FAM13C: variants seen among roughly 807,000 people sequenced by gnomAD.
FAM13C encodes protein FAM13C.
A neutral mutation model predicts 73.2 loss-of-function variants in FAM13C; 37 were observed. The ratio of observed to expected loss-of-function variants is 0.51; its 90% CI spans 0.39 to 0.67. FAM13C has a LOEUF of 0.67. Among genes scored for constraint, FAM13C ranks in the 30% least tolerant of loss-of-function variants. The pLI is 0.00. For synonymous variants in FAM13C, 246 were observed against 260.9 expected, an observed-to-expected ratio of 0.94 and a Z score of 0.55; for missense variants, 589 against 715.6, an observed-to-expected ratio of 0.82 and a Z score of 2.02.
chr10:59,329,280 A>G (rs284635), intron 3 of FAM13C, among the ~76,000 whole-genome samples: 56,306 of 149,404 alleles, frequency 0.38, 10,697 homozygotes, highest in East Asian at 0.48. Context: ...CAAAATCCAC[A>G]TATATCCATG....
At chr10:59,278,124 T>A (rs1001293019) in intron 6 of FAM13C, among the ~76,000 whole-genome samples, 4 of 152,094 alleles carry the variant, frequency 2.6e-5, no homozygotes, top group African/African-American at 9.7e-5. Flanking sequence ...TTGAAAACCA[T>A]CAGACCTCAT....
intron 5 of FAM13C, among the ~76,000 whole-genome samples, chr10:59,289,337 CCCCTGAT>C (rs1203008116): frequency 1.7e-4 from 21 of 122,158 alleles, no homozygotes; most frequent in Admixed American, 1.7e-3. Context: ...GGGTTGGAGA[CCCCTGAT>C]CTACACCACT....
intron 3 of FAM13C, 56 bp from the exon 4 acceptor site, chr10:59,324,162 C>T: frequency 7.3e-7 from 1 of 1,363,068 alleles, no homozygotes; most frequent in African/African-American, 1.4e-5. Flanking sequence ...AGTTCCATAG[C>T]ATTATTATGC....
chr10:59,296,993 T>G (rs1846993753), intron 5 of FAM13C: 1 of 152,254 alleles, frequency 6.6e-6, no homozygotes, highest in Non-Finnish European at 1.5e-5. Flanking sequence ...GTCTTCAGAA[T>G]AGAGTTACAG....
intron 10 of FAM13C, among the ~76,000 whole-genome samples, chr10:59,260,990 T>C (rs1329817425): frequency 6.6e-6 from 1 of 152,158 alleles, no homozygotes; most frequent in Non-Finnish European, 1.5e-5. Context: ...AACTCTACTA[T>C]ATCAATCCCA....
intron 5 of FAM13C, among the ~76,000 whole-genome samples, chr10:59,283,958 T>A (rs1444690668): frequency 1.3e-5 from 2 of 151,834 alleles, no homozygotes; most frequent in East Asian, 3.9e-4. Flanking sequence ...GCACAAAGAG[T>A]TACTGCTGCA....
intron 4 of FAM13C, among the ~76,000 whole-genome samples, chr10:59,309,418 T>C (rs10219073): frequency 0.018 from 2,667 of 152,326 alleles, 71 homozygotes; most frequent in African/African-American, 0.059. Flanking sequence ...GAGTACTGTA[T>C]GACACCCTGA....
intron 5 of FAM13C, among the ~76,000 whole-genome samples, chr10:59,286,242 G>A (rs531924944): frequency 4.6e-5 from 7 of 152,050 alleles, no homozygotes; most frequent in Admixed American, 2.0e-4. Flanking sequence ...AGCTGGAAGC[G>A]GTGGCCTAAG....
chr10:59,305,307 G>T (rs1848133385), intron 4 of FAM13C, among the ~76,000 whole-genome samples: 1 of 152,072 alleles, frequency 6.6e-6, no homozygotes, highest in South Asian at 2.1e-4. Flanking sequence ...AAATTCTATG[G>T]TCCAATGTCA....
At chr10:59,337,661 CTTTTTCTTT>C (rs1852895041) in intron 3 of FAM13C, among the ~76,000 whole-genome samples, 1 of 84,376 alleles carries the variant, frequency 1.2e-5, no homozygotes, top group Non-Finnish European at 2.4e-5. Flanking sequence ...TCTTTTTTTT[CTTTTTCTTT>C]TTTTTTTTTT....
intron 5 of FAM13C, chr10:59,301,292 G>A (rs1847574374): frequency 6.6e-6 from 1 of 152,186 alleles, no homozygotes. Context: ...TATTCAACCA[G>A]TCTGGATCAG....
intron 1 of FAM13C, among the ~76,000 whole-genome samples, chr10:59,359,683 C>G (rs1193967906): frequency 2.0e-5 from 3 of 152,186 alleles, no homozygotes; most frequent in Admixed American, 6.5e-5. Context: ...TACTATGTTT[C>G]TAAACATTTA....
In FAM13C at chr10:59,334,122, T is replaced by C. The variant is rs548959736; in HGVS notation, c.325-10016A>G. Among the ~76,000 whole-genome samples, 10 of 152,274 alleles carry C rather than the reference T, an allele frequency of 6.6e-5. No homozygotes were observed. In the South Asian group the frequency reaches 2.1e-3, roughly 32 times the overall value. ...TGGCAGGGGAAATGAGAAAGGAAAATAGTATTGTATCAGAAACCAGAAATG... is the reference window on the plus strand; with the variant it reads ...TGGCAGGGGAAATGAGAAAGGAAAACAGTATTGTATCAGAAACCAGAAATG... On this transcript the variant is annotated intron_variant, in intron 3 of 13. Transcript: ENST00000618804.
chr10:59,329,290 G>T (rs1851607274), intron 3 of FAM13C, among the ~76,000 whole-genome samples: 1 of 147,942 alleles, frequency 6.8e-6, no homozygotes, highest in African/African-American at 2.5e-5. Context: ...ATATATCCAT[G>T]AAGTAGGATG....
At chr10:59,313,133 C>T (rs1006277159) in intron 4 of FAM13C, among the ~76,000 whole-genome samples, 3 of 152,258 alleles carry the variant, frequency 2.0e-5, no homozygotes, top group Non-Finnish European at 2.9e-5. Flanking sequence ...GTTGTATTAG[C>T]GTGGGATCAT....
chr10:59,326,427 A>G (rs1851140524), intron 3 of FAM13C, among the ~76,000 whole-genome samples: 1 of 152,092 alleles, frequency 6.6e-6, no homozygotes, highest in Non-Finnish European at 1.5e-5. Flanking sequence ...ATACTGATGA[A>G]TGGAACAGGC....
intron 4 of FAM13C, among the ~76,000 whole-genome samples, chr10:59,319,753 T>C (rs1849974248): frequency 6.6e-6 from 1 of 152,208 alleles, no homozygotes; most frequent in Admixed American, 6.6e-5. Flanking sequence ...ATAGTTGTAT[T>C]AAATGATTAC....
intron 3 of FAM13C, among the ~76,000 whole-genome samples, chr10:59,325,837 A>G (rs1851033451): frequency 1.3e-5 from 2 of 152,112 alleles, no homozygotes; most frequent in South Asian, 4.1e-4. Flanking sequence ...ATTAACCCAA[A>G]TGAGTTCAGC....
chr10:59,320,576 T>C (rs762858410), intron 4 of FAM13C, among the ~76,000 whole-genome samples: 1 of 152,170 alleles, frequency 6.6e-6, no homozygotes, highest in Non-Finnish European at 1.5e-5. Context: ...CAAAGAACAA[T>C]TCGTGAATCA....
Sources: allele counts gnomAD v4.1 joint callset (sites outside exome capture counted in the v4.1 genomes callset), GRCh38; gene constraint gnomAD v4.1.1; transcripts MANE v1.5; gene names NCBI Gene and HGNC (gene_info 2026-07-23, HGNC 2026-07-21).